The following GPR107 variants were observed in gnomAD, a reference collection of about 807,000 sequenced individuals.
The protein encoded by GPR107 is protein GPR107.
Under a neutral mutation model 75.5 loss-of-function variants are expected in GPR107, and 31 were observed. That is an observed-to-expected ratio of 0.41 (90% CI 0.31 to 0.55). The LOEUF is 0.55. GPR107 is among the 20% of genes least tolerant of loss of function. The probability of loss-of-function intolerance (pLI) is 0.26; values close to 1 mark genes in which losing one functional copy is unlikely to be tolerated. For missense variants in GPR107, 572 were observed against 665.7 expected, an observed-to-expected ratio of 0.86 and a Z score of 1.55; for synonymous variants, 267 against 251.3, an observed-to-expected ratio of 1.06 and a Z score of -0.59.
intron 4 of GPR107, among the ~76,000 whole-genome samples, chr9:130,078,518 A>G (rs1830414672): frequency 1.3e-5 from 2 of 152,248 alleles, no homozygotes; most frequent in African/African-American, 4.8e-5. Flanking sequence ...GGAAGCAAGC[A>G]ACAAAAGACT....
rs748794449 is a variant in GPR107 at position 130,092,269 on chromosome 9, C to G, written c.751C>G (p.Pro251Ala). ...TCAGATTGAGATCACAGAGAAGAAT[C>G]CTGACAGCTACCTCTCAGCAGGAGA... Reference protein sequence around the residue: ...SLDIEITEKNPDSYLSAGEIP... With the variant: ...SLDIEITEKNADSYLSAGEIP... The change falls in exon 9 of 18, where the codon CCT becomes GCT. Residue 251 changes from proline (P) to alanine (A), a missense_variant. Transcript: ENST00000347136. 1.2e-6 allele frequency: 2 copies of G among 1,610,342 alleles called. No homozygotes were observed. The highest frequency in any genetic ancestry group is 4.5e-5 in the East Asian group (2 of 44,870).
intron 14 of GPR107, among the ~76,000 whole-genome samples, chr9:130,115,275 T>C (rs1322193329): frequency 2.6e-5 from 4 of 152,128 alleles, no homozygotes; most frequent in Admixed American, 2.6e-4. Context: ...ATTTAAATCA[T>C]CTTATTACCC....
At position 130,136,242 on chromosome 9, in the gene GPR107, C is replaced by G. The variant is rs1337225381; in HGVS notation, c.*1121C>G. On this transcript the variant is annotated 3_prime_UTR_variant, in exon 18 of 18. Transcript: ENST00000347136. ...GGGATTTTAGGATGGCAAAATACTT[C>G]ACAGAAACTCAATGATTAAGTTCCC... The G allele has an allele frequency of 6.6e-6, 1 of 152,330 alleles. No individual in the cohort carries two copies. Among genetic ancestry groups the G allele is most frequent in the Admixed American group, 6.5e-5 (1 of 15,300 alleles). 9.4% of individuals were successfully genotyped at this position (152,330 alleles called of 1,614,324 possible).
At chr9:130,124,700 A>T (rs1831630250) in intron 14 of GPR107, among the ~76,000 whole-genome samples, 1 of 152,202 alleles carries the variant, frequency 6.6e-6, no homozygotes, top group South Asian at 2.1e-4. Context: ...ACTCCAGCTC[A>T]TGGGGCTCAC....
In GPR107 at chr9:130,086,422, C is replaced by T. The variant is rs1830617082; in HGVS notation, c.567C>T (p.Ala189=). ...KSKRSTVDSK[A]MGEKSFSVHN... is the part of the protein sequence containing the mutation. The stretch of plus-strand genomic sequence containing the variant: ...AACATACTATTATGTCTTTTTAGGC[C>T]ATGGGAGAGAAATCCTTTTCTGTTC... Residue 189 remains alanine, a splice_region_variant and synonymous_variant, in exon 7 of 18, where the codon GCC becomes GCT. Transcript: ENST00000347136. The T allele has an allele frequency of 6.8e-7, 1 of 1,475,694 alleles. No individual in the cohort carries two copies. The highest frequency in any genetic ancestry group is 9.5e-7 in the Non-Finnish European group (1 of 1,054,312). 91.4% of individuals were successfully genotyped at this position (1,475,694 alleles called of 1,614,324 possible). A position where few individuals can be genotyped will look rare whatever the true frequency, so the allele number is the denominator to read the frequency against.
rs1260146676 is a variant in GPR107, at chr9:130,112,053, C to T, written c.1306+4514C>T. Among the ~76,000 whole-genome samples, 1 of 152,224 alleles carries T rather than the reference C, an allele frequency of 6.6e-6. No homozygotes were observed. Among genetic ancestry groups the T allele is most frequent in the Non-Finnish European group, 1.5e-5 (1 of 68,046 alleles). ...CGCATCCGCGTTCCCTTCTCTTTCT[C>T]CAGTGTCATTACCTTATAGGACTGG... is the stretch of plus-strand genomic sequence containing the variant. On this transcript the variant is annotated intron_variant, in intron 14 of 17. Transcript: ENST00000347136. The surrounding 1 kb of genome is among the most constrained non-coding windows in gnomAD (Gnocchi z 4.0).
intron 14 of GPR107, among the ~76,000 whole-genome samples, chr9:130,121,227 C>T (rs1831539651): frequency 6.6e-6 from 1 of 152,100 alleles, no homozygotes; most frequent in Non-Finnish European, 1.5e-5. Flanking sequence ...CAAAACCCTT[C>T]AGAATAGCAG....
Position 130,098,050 on chromosome 9 carries a change from T to C in GPR107, c.864-1407T>C, listed in dbSNP as rs569557416. Among the ~76,000 whole-genome samples, 4 of 152,148 alleles carry C rather than the reference T, an allele frequency of 2.6e-5. No homozygotes were observed. The South Asian group carries it at 8.3e-4, about 32-fold the overall frequency. The stretch of plus-strand genomic sequence containing the variant: ...GTGTGCACCGCCACACCCAGCTAAC[T>C]TTTTGTATTTTTGGTAGAGATGGAG... On this transcript the variant is annotated intron_variant, in intron 9 of 17. Transcript: ENST00000347136.
intron 7 of GPR107, among the ~76,000 whole-genome samples, 192 bp downstream of exon 7, chr9:130,086,668 G>T (rs929133068): frequency 3.3e-5 from 5 of 152,082 alleles, no homozygotes; most frequent in African/African-American, 9.7e-5. Context: ...TATCAAATCA[G>T]AAGTCTCTGA....
At chr9:130,060,414 T>G (rs947073949) in intron 1 of GPR107, among the ~76,000 whole-genome samples, 1 of 146,616 alleles carries the variant, frequency 6.8e-6, no homozygotes, top group African/African-American at 2.5e-5. Flanking sequence ...TTTTTTTTTT[T>G]TTTTTTTTTT....
chr9:130,059,040 A>C (rs1323899542), intron 1 of GPR107, among the ~76,000 whole-genome samples: 9 of 152,180 alleles, frequency 5.9e-5, no homozygotes, highest in Non-Finnish European at 8.8e-5. Flanking sequence ...AGTGGAGTAG[A>C]ATTGCTGGGT....
intron 14 of GPR107, among the ~76,000 whole-genome samples, chr9:130,124,004 C>G (rs1831615053): frequency 6.6e-6 from 1 of 152,078 alleles, no homozygotes; most frequent in Non-Finnish European, 1.5e-5. Context: ...AGAGGAGATT[C>G]TTGTAGATTC....
intron 11 of GPR107, 41 bp from the exon 12 acceptor site, chr9:130,101,065 A>G (rs1035157408): frequency 8.8e-7 from 1 of 1,131,598 alleles, no homozygotes; most frequent in African/African-American, 1.5e-5. Flanking sequence ...GTGAGAGTCT[A>G]AAGAGACCTG....
At chr9:130,121,424 G>T (rs1290018564) in intron 14 of GPR107, among the ~76,000 whole-genome samples, 1 of 152,204 alleles carries the variant, frequency 6.6e-6, no homozygotes, top group Non-Finnish European at 1.5e-5. Flanking sequence ...GTCCTGGGGC[G>T]CAGGTTGGAC....
intron 7 of GPR107, among the ~76,000 whole-genome samples, chr9:130,089,504 G>C (rs897786291): frequency 2.0e-5 from 3 of 152,164 alleles, no homozygotes; most frequent in Non-Finnish European, 2.9e-5. Flanking sequence ...CGTGGGGATA[G>C]TGGTTTATCT....
chr9:130,095,942 T>C (rs931963931), intron 9 of GPR107, among the ~76,000 whole-genome samples: 1 of 152,130 alleles, frequency 6.6e-6, no homozygotes, highest in African/African-American at 2.4e-5. Flanking sequence ...GATCTTTGCC[T>C]CATTTATTGA....
intron 13 of GPR107, among the ~76,000 whole-genome samples, chr9:130,106,692 G>A (rs1831169444): frequency 6.6e-6 from 1 of 152,018 alleles, no homozygotes; most frequent in South Asian, 2.1e-4. Flanking sequence ...CAGTGTACTG[G>A]TTAGCTTTCG....
intron 12 of GPR107, 53 bp from the exon 13 acceptor site, chr9:130,104,367 A>C: frequency 6.3e-7 from 1 of 1,584,174 alleles, no homozygotes; most frequent in Non-Finnish European, 8.7e-7. Flanking sequence ...GGCTGCTAGC[A>C]TCATAACAGT....
intron 7 of GPR107, 54 bp from the exon 8 acceptor site, chr9:130,090,822 A>G (rs1364153363): frequency 1.5e-6 from 1 of 651,254 alleles, no homozygotes; most frequent in East Asian, 2.9e-5. Context: ...AAAAGAAAAA[A>G]TATATATCGC....
Sources: gnomAD v4.1 joint callset for allele counts (sites outside exome capture counted in the v4.1 genomes callset) on GRCh38, gnomAD v4.1.1 for gene constraint, Gnocchi (gnomAD v3.1) non-coding constraint, MANE v1.5 for transcripts, NCBI Gene and HGNC (gene_info 2026-07-23, HGNC 2026-07-21) for gene names.